Variants in TYMS observed in about 807,000 individuals in gnomAD.
TYMS encodes thymidylate synthetase.
A neutral mutation model predicts 39.3 loss-of-function variants in TYMS; 21 were observed. The ratio of observed to expected loss-of-function variants is 0.54; its 90% CI spans 0.38 to 0.77. The LOEUF is 0.77. Ranked by LOEUF, TYMS falls within the 30% of genes least tolerant of loss-of-function variation. The pLI, the probability that TYMS is intolerant of heterozygous loss-of-function variation, is 0.00. For synonymous variants in TYMS, 171 were observed against 162.2 expected (o/e 1.05, Z -0.41); for missense variants, 273 against 406.7 (o/e 0.67, Z 2.83).
At position 658,093 on chromosome 18, in the gene TYMS, T is replaced by C. The variant is rs1170938855; in HGVS notation, c.205+146T>C. 1 of 1,583,326 alleles carries C rather than the reference T, an allele frequency of 6.3e-7. No homozygotes were observed. The highest frequency in any genetic ancestry group is 1.8e-5 in the Admixed American group (1 of 57,044). The stretch of plus-strand genomic sequence containing the variant: ...GAGGGGACGCATCGTCCTCCTCGCC[T>C]TACAGACGCCGAAACGGAGGGTCCC... On this transcript the variant is annotated intron_variant, in intron 1 of 6. Transcript: ENST00000323274. The surrounding 1 kb of genome is among the most constrained non-coding windows in gnomAD (Gnocchi z 4.5).
At chr18:671,154 C>G in intron 5 of TYMS, 1 of 614,268 alleles carries the variant, frequency 1.6e-6, no homozygotes, top group Non-Finnish European at 2.8e-6. Flanking sequence ...TGCCTGTAAT[C>G]CCAGCACTTT....
Position 657,683 on chromosome 18 carries a change from TTGGCCTGCCTCCGTC to T in TYMS, c.-59_-45del. On this transcript the variant is annotated 5_prime_UTR_variant, in exon 1 of 7. Transcript: ENST00000323274. The stretch of plus-strand genomic sequence containing the variant: ...GCCTGCCTCCGTCCCGCCGCGCCAC[TTGGCCTGCCTCCGTC>T]CCGCCGCGCCACTTCGCCTGCCTCC... The T allele has an allele frequency of 8.3e-7, 1 of 1,210,910 alleles. No homozygotes were observed. The highest frequency in any genetic ancestry group is 1.6e-5 in the African/African-American group (1 of 62,434). The allele number at this position is 1,210,910 out of a possible 1,614,324, so 75.0% of individuals were successfully genotyped here.
Position 673,176 on chromosome 18 carries a change from T to C in TYMS, c.*179T>C, listed in dbSNP as rs1336832962. 1.0e-5 allele frequency: 6 copies of C among 590,296 alleles called. No individual in the cohort carries two copies. Among genetic ancestry groups the C allele is most frequent in the Non-Finnish European group, 1.6e-5 (6 of 373,182 alleles). 36.6% of individuals were successfully genotyped at this position (590,296 alleles called of 1,614,324 possible). A position where few individuals can be genotyped will look rare whatever the true frequency, so the allele number is the denominator to read the frequency against. On this transcript the variant is annotated 3_prime_UTR_variant, in exon 7 of 7. Transcript: ENST00000323274. ...GGCAAATGTAACTGTGCCAGTTCTT[T>C]CCATAATAAAAGGCTTTGAGTTAAC...
chr18:671,082 T>G (rs188098794), intron 5 of TYMS: 201 of 633,554 alleles, frequency 3.2e-4, no homozygotes, highest in Admixed American at 2.3e-3. Flanking sequence ...ATACAGGTTG[T>G]TTGTGATACA....
intron 2 of TYMS, 130 bp downstream of exon 2, chr18:659,844 G>A (rs2074738583): frequency 1.2e-6 from 1 of 800,760 alleles, no homozygotes. Flanking sequence ...GGGAGGCTGA[G>A]TCAGATCACC....
At chr18:671,321 A>G (rs2075040526) in intron 5 of TYMS, 59 bp from the exon 6 acceptor site, 1 of 1,105,328 alleles carries the variant, frequency 9.0e-7, no homozygotes, top group East Asian at 2.3e-5. Context: ...ATGTTTTTAA[A>G]TGATGTTTTA....
At position 662,122 on chromosome 18, in the gene TYMS, C is replaced by T. The variant is rs770941674; in HGVS notation, c.280-24C>T. 1.9e-6 allele frequency: 3 copies of T among 1,586,792 alleles called. No homozygotes were observed. In the East Asian group the frequency reaches 6.7e-5, roughly 36 times the overall value. ...GGCTTAGGATTTACCTGGATGCCTG[C>T]TCTGCTCTCCCCATCTCTTCCAGGG... On this transcript the variant is annotated intron_variant, in intron 2 of 6. Transcript: ENST00000323274.
chr18:666,909 T>A (rs35338895), intron 3 of TYMS, among the ~76,000 whole-genome samples: 13,181 of 40,620 alleles, frequency 0.32, 2,119 homozygotes, highest in South Asian at 0.43. Flanking sequence ...ATGGAGATGG[T>A]GATGGTGATG....
At position 667,992 on chromosome 18, in the gene TYMS, A is replaced by ATTTTTTTTTTTT. The variant is rs60409589; in HGVS notation, c.455-1072_455-1061dup. 2.8e-3 allele frequency among the ~76,000 whole-genome samples: 292 copies of ATTTTTTTTTTTT among 105,320 alleles called. 29 individuals are homozygous for ATTTTTTTTTTTT. The East Asian group carries it at 0.029, about 11-fold the overall frequency. 69.1% of individuals were successfully genotyped at this position (105,320 alleles called of 152,430 possible). ...AATTTTGTTTTACAGATTCACAGGA[A>ATTTTTTTTTTTT]TTTTTTTTTTTTTTTTTTTAATGCA... On this transcript the variant is annotated intron_variant, in intron 3 of 6. Coordinates refer to ENST00000323274, the MANE Select transcript of TYMS (RefSeq NM_001071.4).
rs910018045 is a variant in TYMS, at chr18:660,197, G to T, written c.279+483G>T. 5.3e-5 allele frequency among the ~76,000 whole-genome samples: 8 copies of T among 152,298 alleles called. No homozygotes were observed. The highest frequency in any genetic ancestry group is 1.4e-4 in the African/African-American group (6 of 41,572). On this transcript the variant is annotated intron_variant, in intron 2 of 6. Transcript: ENST00000323274. The surrounding 1 kb of genome is among the most constrained non-coding windows in gnomAD (Gnocchi z 4.6). ...CCGTTTTTCAGCTCTGACCTTAGCT[G>T]CTGCTCTCTGCACCAGCCCTGCTGT...
rs140212927 is a variant in TYMS, at chr18:666,891, A to AGATGGT, written c.455-2175_455-2170dup. ...GTTAGGGATGACGAAAAAGTTCGGG[A>AGATGGT]GATGGTGATGGAGATGGTGATGGTG... On this transcript the variant is annotated intron_variant, in intron 3 of 6. Transcript: ENST00000323274. Among the ~76,000 whole-genome samples the AGATGGT allele has an allele frequency of 2.8e-3, 171 of 62,166 alleles. 23 individuals are homozygous for AGATGGT. Among genetic ancestry groups the AGATGGT allele is most frequent in the Middle Eastern group, 8.3e-3 (1 of 120 alleles). The allele number at this position is 62,166 out of a possible 152,430, so 40.8% of individuals were successfully genotyped here. A position where few individuals can be genotyped will look rare whatever the true frequency, so the allele number is the denominator to read the frequency against.
Position 658,127 on chromosome 18 carries a change from C to T in TYMS, c.205+180C>T. ...CCGAAACGGAGGGTCCCATTAGGGA[C>T]GTGACTGGCGCGGGCAACACACACA... On this transcript the variant is annotated intron_variant, in intron 1 of 6. Coordinates refer to ENST00000323274, the MANE Select transcript of TYMS (RefSeq NM_001071.4). This position sits in a 1 kb window ranked among gnomAD's most constrained non-coding sequence, Gnocchi z 4.5. 6.3e-7 allele frequency: 1 copy of T among 1,586,552 alleles called. No individual in the cohort carries two copies. The highest frequency in any genetic ancestry group is 1.3e-5 in the African/African-American group (1 of 74,438).
chr18:662,378 C>T, intron 3 of TYMS, 58 bp downstream of exon 3: 2 of 1,488,174 alleles, frequency 1.3e-6, no homozygotes, highest in Non-Finnish European at 1.8e-6. Flanking sequence ...CATGTGTTTG[C>T]TCCGTTGTTT....
At chr18:662,823 G>A (rs1296351416) in intron 3 of TYMS, among the ~76,000 whole-genome samples, 3 of 150,080 alleles carry the variant, frequency 2.0e-5, no homozygotes, top group Non-Finnish European at 3.0e-5. Context: ...TTTCATCCAC[G>A]TCCCTACAAA....
chr18:660,180 C>G lies in TYMS; in HGVS notation c.279+466C>G, dbSNP rs916161245. ...CACGGTCCTTATGGTGTCCGTTTTT[C>G]AGCTCTGACCTTAGCTGCTGCTCTC... On this transcript the variant is annotated intron_variant, in intron 2 of 6. Coordinates refer to ENST00000323274, the MANE Select transcript of TYMS (RefSeq NM_001071.4). This position sits in a 1 kb window ranked among gnomAD's most constrained non-coding sequence, Gnocchi z 4.6. Among the ~76,000 whole-genome samples the G allele has an allele frequency of 2.0e-5, 3 of 152,204 alleles. No homozygotes were observed. The highest frequency in any genetic ancestry group is 1.3e-4 in the Admixed American group (2 of 15,284).
At position 666,268 on chromosome 18, in the gene TYMS, T is replaced by A. The variant is rs998071246; in HGVS notation, c.455-2804T>A. On this transcript the variant is annotated intron_variant, in intron 3 of 6. Transcript: ENST00000323274. ...TGCTGGGGAATGGGAAGTTCATCGG[T>A]GGGACAAGGGACAAAATGCCCCCAT... 4.0e-5 allele frequency among the ~76,000 whole-genome samples: 6 copies of A among 151,618 alleles called. No individual in the cohort carries two copies. The East Asian group carries it at 9.8e-4, about 25-fold the overall frequency.
intron 3 of TYMS, among the ~76,000 whole-genome samples, chr18:667,950 T>TTA: frequency 6.7e-6 from 1 of 148,690 alleles, no homozygotes; most frequent in African/African-American, 2.5e-5. Context: ...TAGGAAAGTT[T>TTA]GTCCCTTTTT....
intron 3 of TYMS, chr18:667,737 CAA>C (rs2074886617): frequency 6.6e-6 from 1 of 152,154 alleles, no homozygotes; most frequent in African/African-American, 2.4e-5. Context: ...CTGCGTGGGC[CAA>C]GTTACTTGTG....
rs2074703447 is a variant in TYMS at position 657,801 on chromosome 18, G to A, written c.59G>A (p.Arg20Gln). The A allele has an allele frequency of 6.8e-7, 1 of 1,463,368 alleles. No individual in the cohort carries two copies. Among genetic ancestry groups the A allele is most frequent in the Non-Finnish European group, 9.0e-7 (1 of 1,114,042 alleles). The allele number at this position is 1,463,368 out of a possible 1,614,324, so 90.6% of individuals were successfully genotyped here. A position where few individuals can be genotyped will look rare whatever the true frequency, so the allele number is the denominator to read the frequency against. Residue 20 changes from arginine (R) to glutamine (Q), a missense_variant, in exon 1 of 7, where the codon CGG becomes CAG. Transcript: ENST00000323274. ...RRPLPPAAQE[R>Q]DAEPRPPHGE... ...CCCTTGCCCCCCGCCGCACAGGAGC[G>A]GGACGCCGAGCCGCGTCCGCCGCAC...
Sources: gnomAD v4.1 joint callset for allele counts (sites outside exome capture counted in the v4.1 genomes callset) on GRCh38, gnomAD v4.1.1 for gene constraint, Gnocchi (gnomAD v3.1) non-coding constraint, MANE v1.5 for transcripts, NCBI Gene and HGNC (gene_info 2026-07-23, HGNC 2026-07-21) for gene names.